DIAPH2: variants seen among roughly 807,000 people sequenced by gnomAD.
DIAPH2 encodes protein diaphanous homolog 2.
Under a neutral mutation model 92.7 loss-of-function variants are expected in DIAPH2, and 35 were observed. That is an observed-to-expected ratio of 0.38 (90% CI 0.29 to 0.50). The LOEUF is 0.50. Ranked by LOEUF, DIAPH2 falls within the 20% of genes least tolerant of loss-of-function variation. The pLI, the probability that DIAPH2 is intolerant of heterozygous loss-of-function variation, is 0.94. For missense variants in DIAPH2, 701 were observed against 819.5 expected (o/e 0.86, Z 1.77); for synonymous variants, 301 against 280.4 (o/e 1.07, Z -0.73).
chrX:97,038,164 C>T (rs773282246), intron 17 of DIAPH2, among the ~76,000 whole-genome samples: 65 of 111,265 alleles, frequency 5.8e-4, no homozygotes, highest in Non-Finnish European at 1.0e-3. Context: ...CCGGTTCCAT[C>T]CAAATTGCTA....
intron 1 of DIAPH2, among the ~76,000 whole-genome samples, chrX:96,711,138 G>A (rs1412689895): frequency 8.9e-6 from 1 of 111,935 alleles, no homozygotes; most frequent in African/African-American, 3.2e-5. Flanking sequence ...TAATTGTTCT[G>A]CTATAAACAT....
chrX:97,221,049 T>C (rs1033796329), intron 22 of DIAPH2, among the ~76,000 whole-genome samples: 6 of 111,440 alleles, frequency 5.4e-5, no homozygotes, highest in African/African-American at 6.5e-5. Context: ...GTTGTTGTTG[T>C]TGCTTTACAT....
chrX:97,293,355 C>G, intron 23 of DIAPH2, among the ~76,000 whole-genome samples: 1 of 105,720 alleles, frequency 9.5e-6, no homozygotes, highest in Non-Finnish European at 1.9e-5. Flanking sequence ...CAGGTTCAGG[C>G]CATTCTCCTG....
At chrX:96,845,368 C>T (rs5921029) in intron 4 of DIAPH2, among the ~76,000 whole-genome samples, 6,125 of 111,940 alleles carry the variant, frequency 0.055, 179 homozygotes, top group Middle Eastern at 0.13. Flanking sequence ...AACATTAAGA[C>T]GACTAGCCAA....
chrX:97,275,379 C>G (rs1273900794), intron 23 of DIAPH2, among the ~76,000 whole-genome samples: 3 of 106,891 alleles, frequency 2.8e-5, no homozygotes, highest in African/African-American at 1.0e-4. Flanking sequence ...GCTGCCCCCC[C>G]CACCTCCCTC....
chrX:97,334,691 A>AC (rs1217922880), intron 23 of DIAPH2, among the ~76,000 whole-genome samples: 1 of 106,973 alleles, frequency 9.3e-6, no homozygotes, highest in Non-Finnish European at 1.9e-5. Flanking sequence ...ACAAAACAAA[A>AC]AAAAAAACAG....
At chrX:97,545,534 ATATATATAT>A (rs768693923) in intron 26 of DIAPH2, among the ~76,000 whole-genome samples, 5 of 77,076 alleles carry the variant, frequency 6.5e-5, no homozygotes, top group East Asian at 8.6e-4. Flanking sequence ...AAAAAAAAAA[ATATATATAT>A]ATATATATAT....
At chrX:97,039,756 G>A (rs1457606675) in intron 17 of DIAPH2, among the ~76,000 whole-genome samples, 1 of 111,418 alleles carries the variant, frequency 9.0e-6, no homozygotes, top group Non-Finnish European at 1.9e-5. Context: ...TGCATGTCTT[G>A]TAATGGTAAA....
chrX:97,590,008 C>A (rs762636071), intron 26 of DIAPH2, among the ~76,000 whole-genome samples: 1 of 112,495 alleles, frequency 8.9e-6, no homozygotes, highest in African/African-American at 3.2e-5. Flanking sequence ...GTGATATTAA[C>A]CATACAGGTT....
At chrX:97,082,002 T>G (rs2066749003) in intron 19 of DIAPH2, 1 of 102,812 alleles carries the variant, frequency 9.7e-6, no homozygotes, top group Admixed American at 1.1e-4. Context: ...TCCCAGCTAC[T>G]CGGGAGGGTG....
intron 26 of DIAPH2, among the ~76,000 whole-genome samples, chrX:97,512,522 GATTTTAGTT>G (rs1288922307): frequency 9.1e-6 from 1 of 109,862 alleles, no homozygotes; most frequent in African/African-American, 3.3e-5. Flanking sequence ...GTTCTGCTCT[GATTTTAGTT>G]ATTTCTTGCC....
chrX:96,724,408 A>G (rs766563212), intron 1 of DIAPH2, among the ~76,000 whole-genome samples: 1 of 112,278 alleles, frequency 8.9e-6, no homozygotes, highest in African/African-American at 3.2e-5. Flanking sequence ...TGCTATTAAA[A>G]TAAGTTTAGA....
In DIAPH2 at chrX:97,391,578, T is replaced by C. The variant is rs180710989; in HGVS notation, c.3145+7534T>C. On this transcript the variant is annotated intron_variant, in intron 25 of 26. Coordinates refer to ENST00000324765, the MANE Select transcript of DIAPH2 (RefSeq NM_006729.5). ...AGTTCCCTGGATAAAGTAAGTCACA[T>C]TGGAAATTACAAATAACTTTTTAAA... 6.0e-4 allele frequency among the ~76,000 whole-genome samples: 67 copies of C among 111,556 alleles called. No homozygotes were observed. The East Asian group carries it at 0.019, about 31-fold the overall frequency.
At chrX:96,786,911 T>C (rs1018197394) in intron 4 of DIAPH2, among the ~76,000 whole-genome samples, 2 of 112,212 alleles carry the variant, frequency 1.8e-5, no homozygotes, top group South Asian at 3.7e-4. Flanking sequence ...GCTTCTGTAA[T>C]AAAATAACTT....
intron 25 of DIAPH2, among the ~76,000 whole-genome samples, chrX:97,410,762 A>C (rs1380127642): frequency 8.9e-6 from 1 of 112,225 alleles, no homozygotes; most frequent in Non-Finnish European, 1.9e-5. Flanking sequence ...ATGCATGCAC[A>C]AGCTTCAATA....
chrX:97,178,239 CA>C (rs1211833020), intron 22 of DIAPH2, among the ~76,000 whole-genome samples: 2 of 109,312 alleles, frequency 1.8e-5, no homozygotes, highest in African/African-American at 6.7e-5. Flanking sequence ...ACCCTGTCTC[CA>C]AAAAAATCTA....
intron 25 of DIAPH2, among the ~76,000 whole-genome samples, chrX:97,422,806 A>G (rs1028336605): frequency 2.7e-5 from 3 of 111,867 alleles, no homozygotes; most frequent in Non-Finnish European, 5.6e-5. Context: ...AATGTTTGAT[A>G]AAAAGGAAGG....
intron 4 of DIAPH2, among the ~76,000 whole-genome samples, chrX:96,861,495 C>G (rs931085196): frequency 5.4e-5 from 6 of 111,589 alleles, no homozygotes; most frequent in Non-Finnish European, 3.8e-5. Flanking sequence ...TCCCATTACC[C>G]CTGTCACCTT....
chrX:97,159,144 G>A (rs1053547870), intron 22 of DIAPH2, among the ~76,000 whole-genome samples: 4 of 111,733 alleles, frequency 3.6e-5, no homozygotes, highest in Non-Finnish European at 5.6e-5. Flanking sequence ...CTATAGTTAA[G>A]GTTGTCAGCA....
Sources: gnomAD v4.1 joint callset for allele counts (sites outside exome capture counted in the v4.1 genomes callset) on GRCh38, gnomAD v4.1.1 for gene constraint, MANE v1.5 for transcripts, NCBI Gene and HGNC (gene_info 2026-07-23, HGNC 2026-07-21) for gene names.